CTNNBIP1: variants seen among roughly 807,000 people sequenced by gnomAD.
CTNNBIP1 encodes the protein catenin beta interacting protein 1.
In CTNNBIP1, 7 loss-of-function variants were observed where a neutral mutation model predicts 11.8. The ratio of observed to expected loss-of-function variants is 0.60; its 90% CI spans 0.34 to 1.12. The LOEUF is 1.12. Among genes scored for constraint, CTNNBIP1 ranks in the 50% most tolerant of loss-of-function variants. The pLI is 0.03. For missense variants in CTNNBIP1, 101 were observed against 113.4 expected (o/e 0.89, Z 0.50); for synonymous variants, 58 against 43.9 (o/e 1.32, Z -1.26).
At position 9,872,102 on chromosome 1, in the gene CTNNBIP1, A is replaced by G. The variant is rs369235915; in HGVS notation, c.-24-14T>C. On this transcript the variant is annotated splice_polypyrimidine_tract_variant and intron_variant, in intron 3 of 5. Coordinates refer to ENST00000377263, the MANE Select transcript of CTNNBIP1 (RefSeq NM_020248.3). The surrounding 1 kb of genome is among the most constrained non-coding windows in gnomAD (Gnocchi z 4.0). ...CTCTGGGGACTCCTGCAGAGCAAGCAACAGCATCAAAAGGGAAGAGATCAG... is the reference window on the plus strand; with the variant it reads ...CTCTGGGGACTCCTGCAGAGCAAGCGACAGCATCAAAAGGGAAGAGATCAG... 1.4e-6 allele frequency: 2 copies of G among 1,470,984 alleles called. No individual in the cohort carries two copies. The highest frequency in any genetic ancestry group is 1.9e-6 in the Non-Finnish European group (2 of 1,049,660). The allele number at this position is 1,470,984 out of a possible 1,614,324, so 91.1% of individuals were successfully genotyped here.
At chr1:9,906,496 T>C (rs552981346) in intron 1 of CTNNBIP1, among the ~76,000 whole-genome samples, 3 of 152,088 alleles carry the variant, frequency 2.0e-5, no homozygotes, top group African/African-American at 4.8e-5. Flanking sequence ...AGGCAGAGGG[T>C]TGCAGTGAGC....
In CTNNBIP1 at chr1:9,871,930, C is replaced by A; in HGVS notation, c.96+39G>T. 2 of 1,572,282 alleles carry A rather than the reference C, an allele frequency of 1.3e-6. No homozygotes were observed. The highest frequency in any genetic ancestry group is 1.8e-6 in the Non-Finnish European group (2 of 1,142,272). On this transcript the variant is annotated intron_variant, in intron 4 of 5. Coordinates refer to ENST00000377263, the MANE Select transcript of CTNNBIP1 (RefSeq NM_020248.3). The surrounding 1 kb of genome is among the most constrained non-coding windows in gnomAD (Gnocchi z 5.2). The stretch of plus-strand genomic sequence containing the variant: ...GCAGGGCCCCTCCCTGGGAGACCCT[C>A]CCTGGGGGCCCGCTGCCTGACACCC...
intron 5 of CTNNBIP1, among the ~76,000 whole-genome samples, chr1:9,861,478 T>C (rs1224742678): frequency 6.6e-6 from 1 of 152,204 alleles, no homozygotes; most frequent in African/African-American, 2.4e-5. Flanking sequence ...AGAGACAGCA[T>C]ACACTTGGGT....
At position 9,894,905 on chromosome 1, in the gene CTNNBIP1, A is replaced by ATTTTTTT. The variant is rs1175181254; in HGVS notation, c.-143-11174_-143-11168dup. 4.1e-4 allele frequency among the ~76,000 whole-genome samples: 42 copies of ATTTTTTT among 102,204 alleles called. 2 individuals are homozygous for ATTTTTTT. The highest frequency in any genetic ancestry group is 1.7e-3 in the African/African-American group (41 of 23,510). 67.0% of individuals were successfully genotyped at this position (102,204 alleles called of 152,430 possible). A position where few individuals can be genotyped will look rare whatever the true frequency, so the allele number is the denominator to read the frequency against. ...ACAAGTGTGACTGCCATGCCTGGCT[A>ATTTTTTT]TTTTTTTTTTTTTTTTTTTTGAGAC... On this transcript the variant is annotated intron_variant, in intron 1 of 5. Transcript: ENST00000377263.
At chr1:9,902,151 T>A (rs1639534542) in intron 1 of CTNNBIP1, among the ~76,000 whole-genome samples, 1 of 152,100 alleles carries the variant, frequency 6.6e-6, no homozygotes, top group African/African-American at 2.4e-5. Context: ...GACATAGGTG[T>A]CCATGTGCAT....
At chr1:9,888,649 CAT>C (rs1639236736) in intron 1 of CTNNBIP1, among the ~76,000 whole-genome samples, 1 of 152,198 alleles carries the variant, frequency 6.6e-6, no homozygotes, top group Admixed American at 6.5e-5. Flanking sequence ...CAGACCACCC[CAT>C]GTTAGCCACA....
intron 3 of CTNNBIP1, among the ~76,000 whole-genome samples, chr1:9,876,504 G>C (rs1638971417): frequency 6.6e-6 from 1 of 152,156 alleles, no homozygotes. Context: ...TGTAATCCCA[G>C]CTACTCGGAG....
chr1:9,908,449 C>T (rs1428816907), intron 1 of CTNNBIP1, among the ~76,000 whole-genome samples: 2 of 146,788 alleles, frequency 1.4e-5, no homozygotes, highest in African/African-American at 2.5e-5. Context: ...CCTCGGCTCA[C>T]TGCAAGTTCC....
chr1:9,855,646 C>T (rs912185092), intron 5 of CTNNBIP1, among the ~76,000 whole-genome samples: 16 of 151,438 alleles, frequency 1.1e-4, no homozygotes, highest in Non-Finnish European at 1.3e-4. Context: ...GATAAATGAC[C>T]TAAATACAAG....
At chr1:9,890,040 G>C (rs915025662) in intron 1 of CTNNBIP1, among the ~76,000 whole-genome samples, 18 of 152,190 alleles carry the variant, frequency 1.2e-4, no homozygotes, top group Non-Finnish European at 2.5e-4. Context: ...CAAGGAGCTG[G>C]AGGAACCTGC....
intron 5 of CTNNBIP1, 95 bp from the exon 6 acceptor site, chr1:9,850,871 C>T (rs1638368844): frequency 1.7e-6 from 2 of 1,151,668 alleles, no homozygotes; most frequent in Non-Finnish European, 1.3e-6. Context: ...GGAGCCCCCG[C>T]CCACCAGGAT....
At chr1:9,903,807 T>C (rs958095363) in intron 1 of CTNNBIP1, among the ~76,000 whole-genome samples, 1 of 152,014 alleles carries the variant, frequency 6.6e-6, no homozygotes, top group African/African-American at 2.4e-5. Context: ...ACCCTAAGAG[T>C]ATCACCTACA....
At chr1:9,865,747 T>C (rs549350334) in intron 5 of CTNNBIP1, among the ~76,000 whole-genome samples, 1 of 152,340 alleles carries the variant, frequency 6.6e-6, no homozygotes, top group South Asian at 2.1e-4. Flanking sequence ...ATTACAGCTA[T>C]GCAGTAGGAT....
At chr1:9,856,762 C>T (rs1638510198) in intron 5 of CTNNBIP1, among the ~76,000 whole-genome samples, 1 of 151,536 alleles carries the variant, frequency 6.6e-6, no homozygotes, top group African/African-American at 2.4e-5. Context: ...GATCCACCTG[C>T]CTCAGCCTCC....
chr1:9,858,011 C>T (rs958237046), intron 5 of CTNNBIP1, among the ~76,000 whole-genome samples: 2 of 152,176 alleles, frequency 1.3e-5, no homozygotes, highest in Admixed American at 6.5e-5. Flanking sequence ...GCACCTCCAT[C>T]CTCCTGTTGC....
intron 1 of CTNNBIP1, among the ~76,000 whole-genome samples, chr1:9,887,711 AAAAG>A (rs1639214333): frequency 6.6e-6 from 1 of 152,198 alleles, no homozygotes; most frequent in Non-Finnish European, 1.5e-5. Flanking sequence ...CAAGAAAAAA[AAAAG>A]AAAAAGAAAA....
intron 2 of CTNNBIP1, among the ~76,000 whole-genome samples, chr1:9,879,766 A>G (rs1270439238): frequency 6.6e-6 from 1 of 152,160 alleles, no homozygotes; most frequent in African/African-American, 2.4e-5. Context: ...TACTACCATG[A>G]CAGCCAATTA....
At chr1:9,893,754 G>C (rs1038358964) in intron 1 of CTNNBIP1, among the ~76,000 whole-genome samples, 1 of 152,128 alleles carries the variant, frequency 6.6e-6, no homozygotes, top group African/African-American at 2.4e-5. Flanking sequence ...ATAATGCAAT[G>C]TTAAAAAACG....
At chr1:9,904,633 G>C (rs566992669) in intron 1 of CTNNBIP1, among the ~76,000 whole-genome samples, 2 of 152,218 alleles carry the variant, frequency 1.3e-5, no homozygotes, top group South Asian at 4.1e-4. Context: ...GGTGGGGGTA[G>C]GAAAGCTGTC....
Sources: gnomAD v4.1 joint callset for allele counts (sites outside exome capture counted in the v4.1 genomes callset) on GRCh38, gnomAD v4.1.1 for gene constraint, Gnocchi (gnomAD v3.1) non-coding constraint, MANE v1.5 for transcripts, NCBI Gene and HGNC (gene_info 2026-07-23, HGNC 2026-07-21) for gene names.